Variants in HYDIN observed in about 807,000 individuals in gnomAD.
HYDIN encodes HYDIN axonemal central pair apparatus protein, also known as axonemal central pair apparatus protein HYDIN.
HYDIN carries 132 observed loss-of-function variants against 403.9 expected under a neutral mutation model. The ratio of observed to expected loss-of-function variants is 0.33; its 90% CI spans 0.28 to 0.38. The LOEUF (loss-of-function observed/expected upper bound fraction) is 0.38, where lower values mean the gene tolerates loss of function less well. HYDIN is among the 10% of genes least tolerant of loss of function. The pLI, the probability that HYDIN is intolerant of heterozygous loss-of-function variation, is 1.00. For missense variants in HYDIN, 2,827 were observed against 5,009.5 expected (o/e 0.56, Z 13.15); for synonymous variants, 1,202 against 1,891.7 (o/e 0.64, Z 9.46).
At chr16:71,165,103 C>T (rs1246215353) in intron 5 of HYDIN, among the ~76,000 whole-genome samples, 4 of 151,478 alleles carry the variant, frequency 2.6e-5, no homozygotes, top group Non-Finnish European at 4.4e-5. Flanking sequence ...CTATTTTCCA[C>T]CCAAGGGTCA....
intron 50 of HYDIN, among the ~76,000 whole-genome samples, chr16:70,904,518 TTGAGGGAG>T (rs2076478570): frequency 5.4e-5 from 2 of 37,018 alleles, no homozygotes; most frequent in East Asian, 4.4e-4. Flanking sequence ...TTTTTTTTTT[TTGAGGGAG>T]TTTCGTTCTT....
At chr16:70,877,707 G>C (rs1383331315) in intron 62 of HYDIN, among the ~76,000 whole-genome samples, 2 of 152,114 alleles carry the variant, frequency 1.3e-5, no homozygotes, top group African/African-American at 4.8e-5. Context: ...GTGGTAATGT[G>C]AGTGATGGGG....
rs1301451193 is a variant in HYDIN at position 70,850,064 on chromosome 16, G to A, written c.12652-117C>T. On this transcript the variant is annotated intron_variant, in intron 74 of 85. Coordinates refer to ENST00000393567, the MANE Select transcript of HYDIN (RefSeq NM_001270974.2). Reference sequence around the variant, plus strand: ...GGAAATAAGGATGGCAGATGATGTTGGTGATTTGACTATCTTTAGCTTAAT... The same window carrying A: ...GGAAATAAGGATGGCAGATGATGTTAGTGATTTGACTATCTTTAGCTTAAT... The A allele has an allele frequency of 2.8e-5, 17 of 610,442 alleles. No individual in the cohort carries two copies. The Admixed American group carries it at 3.0e-4, about 11-fold the overall frequency. 37.8% of individuals were successfully genotyped at this position (610,442 alleles called of 1,614,324 possible). A position where few individuals can be genotyped will look rare whatever the true frequency, so the allele number is the denominator to read the frequency against.
chr16:71,196,226 C>T (rs1268668299), intron 1 of HYDIN, among the ~76,000 whole-genome samples: 2 of 152,166 alleles, frequency 1.3e-5, no homozygotes, highest in East Asian at 1.9e-4. Context: ...CCCAGATATC[C>T]AGCTAAACAT....
At chr16:70,839,529 T>C (rs112919747) in intron 76 of HYDIN, among the ~76,000 whole-genome samples, 2 of 147,134 alleles carry the variant, frequency 1.4e-5, no homozygotes, top group Admixed American at 6.8e-5. Context: ...TTCATCATGA[T>C]GGAAAGTTCT....
intron 45 of HYDIN, among the ~76,000 whole-genome samples, chr16:70,921,774 C>T (rs1481915610): frequency 1.3e-5 from 2 of 152,198 alleles, no homozygotes; most frequent in Non-Finnish European, 2.9e-5. Flanking sequence ...TAAAACCACA[C>T]ATGTATTGTA....
chr16:70,967,841 C>A (rs977806865), intron 36 of HYDIN, among the ~76,000 whole-genome samples: 2 of 152,112 alleles, frequency 1.3e-5, no homozygotes, highest in African/African-American at 4.8e-5. Flanking sequence ...CTGCCTTGGC[C>A]TCCCAAAATG....
At chr16:70,931,208 C>CT (rs2077313550) in intron 45 of HYDIN, among the ~76,000 whole-genome samples, 100 of 78,076 alleles carry the variant, frequency 1.3e-3, no homozygotes, top group South Asian at 1.7e-3. Flanking sequence ...TCTCTTTCTT[C>CT]TGTTTTTTTT....
At chr16:70,911,494 A>G (rs2076694401) in intron 47 of HYDIN, among the ~76,000 whole-genome samples, 1 of 119,992 alleles carries the variant, frequency 8.3e-6, no homozygotes, top group Non-Finnish European at 1.9e-5. Flanking sequence ...TATCAGTAAC[A>G]TGCTGTTTTG....
At chr16:71,192,319 T>G (rs1043969537) in intron 1 of HYDIN, among the ~76,000 whole-genome samples, 4 of 152,186 alleles carry the variant, frequency 2.6e-5, no homozygotes. Flanking sequence ...TTAACTGACC[T>G]ATCCAACTCC....
chr16:70,911,308 CCA>C (rs1208942390), intron 47 of HYDIN, among the ~76,000 whole-genome samples: 6 of 149,718 alleles, frequency 4.0e-5, no homozygotes, highest in Admixed American at 2.7e-4. Context: ...AGATGAGGAT[CCA>C]GTTTCATTCT....
chr16:70,964,508 A>G (rs189503291), intron 37 of HYDIN, among the ~76,000 whole-genome samples: 6,537 of 151,076 alleles, frequency 0.043, 125 homozygotes, highest in Non-Finnish European at 0.058. Context: ...TACTACCCCA[A>G]TTGGGCCCTA....
intron 23 of HYDIN, among the ~76,000 whole-genome samples, chr16:71,004,984 T>C (rs2079849103): frequency 6.6e-6 from 1 of 152,250 alleles, no homozygotes; most frequent in African/African-American, 2.4e-5. Context: ...TCTAAGGCTA[T>C]TCAGAAGTAT....
intron 18 of HYDIN, among the ~76,000 whole-genome samples, chr16:71,037,264 C>T (rs2081120667): frequency 1.4e-5 from 2 of 143,976 alleles, no homozygotes; most frequent in African/African-American, 2.5e-5. Context: ...CGAAAGCTAT[C>T]GTCATCATTT....
intron 36 of HYDIN, among the ~76,000 whole-genome samples, chr16:70,966,767 A>G (rs1366987755): frequency 6.6e-6 from 1 of 152,232 alleles, no homozygotes; most frequent in South Asian, 2.1e-4. Flanking sequence ...TGTCATTCCC[A>G]TGATCTCTGC....
chr16:71,030,978 A>G (rs1597593190), intron 19 of HYDIN, among the ~76,000 whole-genome samples: 1 of 151,680 alleles, frequency 6.6e-6, no homozygotes, highest in African/African-American at 2.4e-5. Context: ...AGGCAGGTGG[A>G]TCATGAGGTC....
chr16:70,840,009 T>C, intron 76 of HYDIN, 55 bp downstream of exon 76: 1 of 673,470 alleles, frequency 1.5e-6, no homozygotes, highest in Admixed American at 2.9e-5. Context: ...GTGTGGAATC[T>C]GTAGGACCCA....
intron 45 of HYDIN, among the ~76,000 whole-genome samples, chr16:70,922,356 T>C (rs2077020892): frequency 6.6e-6 from 1 of 152,252 alleles, no homozygotes; most frequent in Non-Finnish European, 1.5e-5. Context: ...GAGCCCAGCG[T>C]AGAGCAGCTG....
intron 73 of HYDIN, among the ~76,000 whole-genome samples, chr16:70,853,727 G>C (rs975320342): frequency 7.1e-6 from 1 of 140,392 alleles, no homozygotes; most frequent in Non-Finnish European, 1.5e-5. Context: ...GGCAACAAAA[G>C]GGTCACATGA....
Sources: gnomAD v4.1 joint callset for allele counts (sites outside exome capture counted in the v4.1 genomes callset) on GRCh38, gnomAD v4.1.1 for gene constraint, MANE v1.5 for transcripts, NCBI Gene and HGNC (gene_info 2026-07-23, HGNC 2026-07-21) for gene names.